Variants in TEP1 observed in about 807,000 individuals in gnomAD.
TEP1 encodes the protein telomerase protein component 1.
TEP1 carries 241 observed loss-of-function variants against 306.3 expected under a neutral mutation model. That is an observed-to-expected ratio of 0.79 (90% CI 0.71 to 0.88). TEP1 has a LOEUF of 0.88. TEP1 is among the 40% of genes least tolerant of loss of function. The pLI, the probability that TEP1 is intolerant of heterozygous loss-of-function variation, is 0.00. For synonymous variants in TEP1, 1,289 were observed against 1,305.5 expected, an observed-to-expected ratio of 0.99 and a Z score of 0.27; for missense variants, 3,051 against 3,276.1, an observed-to-expected ratio of 0.93 and a Z score of 1.68.
At chr14:20,409,162 T>C (rs1254088202) in intron 1 of TEP1, among the ~76,000 whole-genome samples, 1 of 152,242 alleles carries the variant, frequency 6.6e-6, no homozygotes, top group African/African-American at 2.4e-5. Flanking sequence ...AAATATATCT[T>C]GGCCTTTATC....
rs760386417 is a variant in TEP1 at position 20,368,551 on chromosome 14, C to G, written c.7770G>C (p.Leu2590=). 6.2e-7 allele frequency: 1 copy of G among 1,614,180 alleles called. No individual in the cohort carries two copies. Among genetic ancestry groups the G allele is most frequent in the South Asian group, 1.1e-5 (1 of 91,084 alleles). ...WERPSMQLLG[L]FRCEGSVSCL... is the part of the protein sequence containing the mutation. ...AGCTCACTGACCCTTCGCATCGGAA[C>G]AGGCCCAGCTACGATGGGAACAAAA... is the stretch of plus-strand genomic sequence containing the variant. Residue 2590 remains leucine (L), a synonymous_variant, in exon 55 of 55, where the codon CTG becomes CTC. Coordinates refer to ENST00000262715, the MANE Select transcript of TEP1 (RefSeq NM_007110.5).
At position 20,410,849 on chromosome 14, in the gene TEP1, A is replaced by G. The variant is rs139517350; in HGVS notation, c.-24-2386T>C. On this transcript the variant is annotated intron_variant, in intron 1 of 54. Coordinates refer to ENST00000262715, the MANE Select transcript of TEP1 (RefSeq NM_007110.5). The stretch of plus-strand genomic sequence containing the variant: ...TTTTGCTTTTTGTTTTTTGAAACGG[A>G]GTCTCACTCTATTGCTGGCTGGAGT... Among the ~76,000 whole-genome samples, 540 of 117,758 alleles carry G rather than the reference A, an allele frequency of 4.6e-3. 4 individuals carry two copies. Among genetic ancestry groups the G allele is most frequent in the African/African-American group, 0.016 (514 of 31,234 alleles). The allele number at this position is 117,758 out of a possible 152,430, so 77.3% of individuals were successfully genotyped here. A position where few individuals can be genotyped will look rare whatever the true frequency, so the allele number is the denominator to read the frequency against.
intron 12 of TEP1, among the ~76,000 whole-genome samples, chr14:20,392,409 G>GTA (rs34734346): frequency 1.3e-5 from 2 of 151,980 alleles, no homozygotes; most frequent in Non-Finnish European, 2.9e-5. Flanking sequence ...CACTTAAATA[G>GTA]TATATATATA....
chr14:20,386,644 GGGCTCAGTCTA>G, intron 18 of TEP1, 21 bp from the exon 19 acceptor site: 1 of 1,572,148 alleles, frequency 6.4e-7, no homozygotes. Context: ...GCAGAGAGCT[GGGCTCAGTCTA>G]GGGATGATTC....
Position 20,385,112 on chromosome 14 carries a change from G to C in TEP1, c.2983-3C>G, listed in dbSNP as rs200976408. 26 of 1,613,718 alleles carry C rather than the reference G, an allele frequency of 1.6e-5. No individual in the cohort carries two copies. The highest frequency in any genetic ancestry group is 2.0e-5 in the Non-Finnish European group (24 of 1,179,906). On this transcript the variant is annotated splice_region_variant and splice_polypyrimidine_tract_variant and intron_variant, in intron 20 of 54. Coordinates refer to ENST00000262715, the MANE Select transcript of TEP1 (RefSeq NM_007110.5). ...CGCCCTGAAGGGTACTGCTGGGCCT[G>C]CGGGGAGGACAGAGACAGTGAGTTT...
intron 9 of TEP1, chr14:20,400,682 G>A (rs1878633905): frequency 3.7e-6 from 1 of 270,500 alleles, no homozygotes; most frequent in Non-Finnish European, 7.1e-6. Context: ...ACCTTTTTTG[G>A]AATGAGTTAC....
rs1460642470 is a variant in TEP1 at position 20,386,508 on chromosome 14, T to TA, written c.2799dup (p.Ile934TyrfsTer14). ...CGGAGGTCGATTCCGTGAAGGCTGA[T>TA]ACGGTGAGGGGCCGCTCGGGCCTGC... is the stretch of plus-strand genomic sequence containing the variant. On this transcript the variant is annotated frameshift_variant, in exon 19 of 55. Coordinates refer to ENST00000262715, the MANE Select transcript of TEP1 (RefSeq NM_007110.5). LOFTEE classifies it high-confidence loss of function. The TA allele has an allele frequency of 2.5e-6, 4 of 1,612,882 alleles. No homozygotes were observed. Among genetic ancestry groups the TA allele is most frequent in the Non-Finnish European group, 3.4e-6 (4 of 1,179,454 alleles).
chr14:20,368,510 A>C lies in TEP1; in HGVS notation c.7811T>G (p.Leu2604Arg). ...EGSVSCLEPW[L>R]GANSTLQLAV... ...AAGCTGCAGGGTGGAGTTAGCGCCCAGCCAAGGTTCCAGGCAGCTCACTGA... is the reference window on the plus strand; with the variant it reads ...AAGCTGCAGGGTGGAGTTAGCGCCCCGCCAAGGTTCCAGGCAGCTCACTGA... The change falls in exon 55 of 55, where the codon CTG becomes CGG. Residue 2604 changes from leucine to arginine, a missense_variant. Coordinates refer to ENST00000262715, the MANE Select transcript of TEP1 (RefSeq NM_007110.5). 1 of 1,614,204 alleles carries C rather than the reference A, an allele frequency of 6.2e-7. No homozygotes were observed. The highest frequency in any genetic ancestry group is 8.5e-7 in the Non-Finnish European group (1 of 1,180,032).
chr14:20,408,151 G>A lies in TEP1; in HGVS notation c.289C>T (p.His97Tyr), dbSNP rs765733367. ...AGGATGTCTGGGTGGGCAGAAACAT[G>A]TCCATGTGGTTTCTCCATGGTCTTC... Reference protein sequence around the residue: ...DLKTMEKPHGHVSAHPDILSL... With the variant: ...DLKTMEKPHGYVSAHPDILSL... Residue 97 changes from histidine to tyrosine, a missense_variant, in exon 2 of 55, where the codon CAT becomes TAT. This residue lies in a region of TEP1 where 1,507 missense variants were observed against 1,550.5 expected (regional missense o/e 0.97). Coordinates refer to ENST00000262715, the MANE Select transcript of TEP1 (RefSeq NM_007110.5). 5 of 1,610,244 alleles carry A rather than the reference G, an allele frequency of 3.1e-6. No homozygotes were observed. Among genetic ancestry groups the A allele is most frequent in the Non-Finnish European group, 4.2e-6 (5 of 1,178,154 alleles).
At chr14:20,397,765 T>C (rs904230259) in intron 9 of TEP1, among the ~76,000 whole-genome samples, 3 of 152,090 alleles carry the variant, frequency 2.0e-5, no homozygotes, top group African/African-American at 7.2e-5. Flanking sequence ...TCTTTTCTTT[T>C]TTTTTTGAGA....
intron 20 of TEP1, among the ~76,000 whole-genome samples, chr14:20,385,470 T>G (rs982713718): frequency 5.9e-5 from 9 of 152,130 alleles, no homozygotes; most frequent in African/African-American, 1.4e-4. Context: ...CCTCCTCGGT[T>G]CAAGCAATTC....
At chr14:20,395,779 G>A (rs1594361194) in intron 11 of TEP1, 80 bp downstream of exon 11, 1 of 1,536,028 alleles carries the variant, frequency 6.5e-7, no homozygotes, top group East Asian at 2.3e-5. Context: ...CAAAGCAAGA[G>A]GCTAAAAATA....
At position 20,369,779 on chromosome 14, in the gene TEP1, T is replaced by A; in HGVS notation, c.7318A>T (p.Arg2440Trp). 1.9e-6 allele frequency: 3 copies of A among 1,613,048 alleles called. No homozygotes were observed. Among genetic ancestry groups the A allele is most frequent in the Non-Finnish European group, 2.5e-6 (3 of 1,179,170 alleles). The change falls in exon 52 of 55, where the codon AGG (arginine) becomes TGG (tryptophan). Residue 2440 changes from arginine (R) to tryptophan (W), a missense_variant and splice_region_variant. Physicochemically the swap from Arg to Trp is moderately radical, Grantham distance 101. This residue lies in a region of TEP1 where 1,540 missense variants were observed against 1,705.9 expected (regional missense o/e 0.90). Coordinates refer to ENST00000262715, the MANE Select transcript of TEP1 (RefSeq NM_007110.5). ...PKDPGVLSFL[R>W]QKESGEFEER... Reference sequence around the variant, plus strand: ...TCAAACTCTCCTGATTCCTTTTGCCTCTGTGAAAGAATAGGTAATTTTGTT... The same window carrying A: ...TCAAACTCTCCTGATTCCTTTTGCCACTGTGAAAGAATAGGTAATTTTGTT...
rs745328441 is a variant in TEP1, at chr14:20,382,340, C to T, written c.4157G>A (p.Arg1386Gln). The T allele has an allele frequency of 1.9e-5, 30 of 1,610,818 alleles. No homozygotes were observed. The highest frequency in any genetic ancestry group is 1.1e-4 in the African/African-American group (8 of 74,846). ...CAGGGGGACAGTGGCAGGCAGGGTC[C>T]GGAGTCTCTCAGACACCTAGGATGG... ...TLYEQVSERL[R>Q]TLPATVPLLL... Residue 1386 changes from arginine to glutamine, a missense_variant, in exon 29 of 55, where the codon CGG becomes CAG. Coordinates refer to ENST00000262715, the MANE Select transcript of TEP1 (RefSeq NM_007110.5).
At chr14:20,382,378 C>T in intron 28 of TEP1, 22 bp from the exon 29 acceptor site, 2 of 1,594,102 alleles carry the variant, frequency 1.3e-6, no homozygotes, top group Non-Finnish European at 1.7e-6. Flanking sequence ...GGAGGACAGC[C>T]TTGTTCAGTG....
rs763448875 is a variant in TEP1 at position 20,383,803 on chromosome 14, C to T, written c.3650G>A (p.Arg1217His). The change falls in exon 25 of 55, where the codon CGC becomes CAC. Residue 1217 changes from arginine (R) to histidine (H), a missense_variant. By Grantham distance (29) the Arg-to-His change is conservative. Around this residue, in one of 3 missense-constraint regions of TEP1, gnomAD observed 1,507 missense variants for 1,550.5 expected, o/e 0.97. Coordinates refer to ENST00000262715, the MANE Select transcript of TEP1 (RefSeq NM_007110.5). ...TTGGCCACGCAGATAGGTACAGAGGCGTCTGAGCAGAGTGAGGGCAAGACC... is the reference window on the plus strand; with the variant it reads ...TTGGCCACGCAGATAGGTACAGAGGTGTCTGAGCAGAGTGAGGGCAAGACC... ...DQGLALTLLR[R>H]LCTYLRGQLK... 3.1e-6 allele frequency: 5 copies of T among 1,610,148 alleles called. No homozygotes were observed. Among genetic ancestry groups the T allele is most frequent in the African/African-American group, 1.3e-5 (1 of 75,014 alleles).
In TEP1 at chr14:20,368,578, T is replaced by C. The variant is rs1035804298; in HGVS notation, c.7762-19A>G. The C allele has an allele frequency of 9.3e-6, 15 of 1,613,746 alleles. No individual in the cohort carries two copies. Among genetic ancestry groups the C allele is most frequent in the African/African-American group, 2.7e-5 (2 of 74,902 alleles). On this transcript the variant is annotated intron_variant, in intron 54 of 54. Coordinates refer to ENST00000262715, the MANE Select transcript of TEP1 (RefSeq NM_007110.5). ...GGCCCAGCTACGATGGGAACAAAAA[T>C]AGGGGAGGTCAGGGCTACAAGCCTC... is the stretch of plus-strand genomic sequence containing the variant.
chr14:20,402,121 C>G (rs959123513), intron 7 of TEP1, among the ~76,000 whole-genome samples: 1 of 152,032 alleles, frequency 6.6e-6, no homozygotes, highest in Non-Finnish European at 1.5e-5. Flanking sequence ...GTCTGACCAA[C>G]ATGGTGAAAC....
At chr14:20,402,693 C>T (rs1566480249) in intron 7 of TEP1, among the ~76,000 whole-genome samples, 3 of 152,094 alleles carry the variant, frequency 2.0e-5, no homozygotes, top group Middle Eastern at 3.2e-3. Flanking sequence ...GATTCAAAGC[C>T]GGGTGACGTG....
Sources: gnomAD v4.1 joint callset for allele counts (sites outside exome capture counted in the v4.1 genomes callset) on GRCh38, gnomAD v4.1.1 for gene constraint, gnomAD v4.1.1 regional missense constraint, MANE v1.5 for transcripts, NCBI Gene and HGNC (gene_info 2026-07-23, HGNC 2026-07-21) for gene names.